The following PAK5 variants were observed in gnomAD, a reference collection of about 807,000 sequenced individuals.
PAK5 encodes p21 (RAC1) activated kinase 5, also known as serine/threonine-protein kinase PAK 5.
Under a neutral mutation model 65.9 loss-of-function variants are expected in PAK5, and 16 were observed. That is an observed-to-expected ratio of 0.24 (90% CI 0.16 to 0.37). The LOEUF (loss-of-function observed/expected upper bound fraction) is 0.37, where lower values mean the gene tolerates loss of function less well. Ranked by LOEUF, PAK5 falls within the 10% of genes least tolerant of loss-of-function variation. The pLI is 1.00. For missense variants in PAK5, 785 were observed against 903.9 expected, an observed-to-expected ratio of 0.87 and a Z score of 1.69; for synonymous variants, 371 against 354.9, an observed-to-expected ratio of 1.05 and a Z score of -0.51.
At chr20:9,814,652 A>G (rs111578955) in intron 1 of PAK5, among the ~76,000 whole-genome samples, 186 of 152,312 alleles carry the variant, frequency 1.2e-3, no homozygotes, top group Admixed American at 3.6e-3. Context: ...CATAAAAAAT[A>G]AATATATAAG....
In PAK5 at chr20:9,631,569, C is replaced by T. The variant is rs147163621; in HGVS notation, c.204+12556G>A. On this transcript the variant is annotated intron_variant, in intron 3 of 9. Coordinates refer to ENST00000353224, the MANE Select transcript of PAK5 (RefSeq NM_177990.4). ...TGAGCCTCCAGATGGGAATGAAGCC[C>T]AGCTGGCCCCCTAATTGCAGCCTTG... is the stretch of plus-strand genomic sequence containing the variant. Among the ~76,000 whole-genome samples, 571 of 152,248 alleles carry T rather than the reference C, an allele frequency of 3.8e-3. 6 individuals carry two copies. Among genetic ancestry groups the T allele is most frequent in the African/African-American group, 0.013 (544 of 41,538 alleles).
chr20:9,554,976 C>T (rs1568959773), intron 7 of PAK5, among the ~76,000 whole-genome samples: 1 of 152,342 alleles, frequency 6.6e-6, no homozygotes, highest in South Asian at 2.1e-4. Flanking sequence ...GTACCCATCA[C>T]TTCCATCACT....
At position 9,557,595 on chromosome 20, in the gene PAK5, A is replaced by G. The variant is rs2045527440; in HGVS notation, c.1743+13T>C. ...AAGAAAAACTACGAACGGGCCAAACATGAACATCTTACCCGGCCATCGCTT... is the reference window on the plus strand; with the variant it reads ...AAGAAAAACTACGAACGGGCCAAACGTGAACATCTTACCCGGCCATCGCTT... On this transcript the variant is annotated intron_variant, in intron 7 of 9. Coordinates refer to ENST00000353224, the MANE Select transcript of PAK5 (RefSeq NM_177990.4). The G allele has an allele frequency of 6.2e-7, 1 of 1,604,648 alleles. No homozygotes were observed. The highest frequency in any genetic ancestry group is 8.5e-7 in the Non-Finnish European group (1 of 1,175,784).
intron 1 of PAK5, among the ~76,000 whole-genome samples, chr20:9,759,358 T>C (rs565411549): frequency 2.0e-5 from 3 of 152,164 alleles, no homozygotes; most frequent in Non-Finnish European, 4.4e-5. Context: ...CTGTTTGCAT[T>C]ATGGGAAACT....
chr20:9,626,878 T>C (rs2046852026), intron 3 of PAK5, among the ~76,000 whole-genome samples: 3 of 152,164 alleles, frequency 2.0e-5, no homozygotes, highest in Admixed American at 2.0e-4. Context: ...CAAAACTGTG[T>C]AAATACAGTC....
chr20:9,580,169 G>C lies in PAK5; in HGVS notation c.966C>G (p.Ser322=), dbSNP rs56239039. 18 of 1,612,846 alleles carry C rather than the reference G, an allele frequency of 1.1e-5. No homozygotes were observed. Among genetic ancestry groups the C allele is most frequent in the East Asian group, 2.2e-5 (1 of 44,874 alleles). The change falls in exon 4 of 10, where the codon TCC becomes TCG. Residue 322 remains serine (S), a synonymous_variant. Coordinates refer to ENST00000353224, the MANE Select transcript of PAK5 (RefSeq NM_177990.4). The stretch of plus-strand genomic sequence containing the variant: ...CCTTTGGAATGCACATTGTGGGCTC[G>C]GACAAGCGAGGGTAGGTGTAGGAGT... ...SYNSYTYPRL[S]EPTMCIPKVD... is the part of the protein sequence containing the mutation.
At position 9,749,864 on chromosome 20, in the gene PAK5, T is replaced by C. The variant is rs1435048615; in HGVS notation, c.-161-38429A>G. On this transcript the variant is annotated intron_variant, in intron 1 of 9. Coordinates refer to ENST00000353224, the MANE Select transcript of PAK5 (RefSeq NM_177990.4). ...GAATGATTTACATGGTAGCCCAAGT[T>C]CCATATCTCCTTGCTGACCAGTAAC... Among the ~76,000 whole-genome samples, 3 of 152,234 alleles carry C rather than the reference T, an allele frequency of 2.0e-5. No individual in the cohort carries two copies. The East Asian group carries it at 5.8e-4, about 29-fold the overall frequency.
chr20:9,692,554 A>C lies in PAK5; in HGVS notation c.-12+18732T>G, dbSNP rs76648696. The stretch of plus-strand genomic sequence containing the variant: ...CAACACTAAAGGAATTCTAACTCTC[A>C]GTGATTTTTTTAAAACAGATGATTC... On this transcript the variant is annotated intron_variant, in intron 2 of 9. Coordinates refer to ENST00000353224, the MANE Select transcript of PAK5 (RefSeq NM_177990.4). 2.7e-3 allele frequency among the ~76,000 whole-genome samples: 413 copies of C among 152,342 alleles called. 5 individuals carry two copies. Among genetic ancestry groups the C allele is most frequent in the African/African-American group, 9.5e-3 (396 of 41,580 alleles).
Position 9,539,485 on chromosome 20 carries a change from T to C in PAK5, c.2137A>G (p.Met713Val), listed in dbSNP as rs985653551. The C allele has an allele frequency of 2.5e-6, 4 of 1,614,072 alleles. No homozygotes were observed. Among genetic ancestry groups the C allele is most frequent in the African/African-American group, 1.3e-5 (1 of 75,034 alleles). Residue 713 changes from methionine to valine, a missense_variant, in exon 10 of 10, where the codon ATG (methionine) becomes GTG (valine). Physicochemically the swap from Met to Val is conservative, Grantham distance 21 (BLOSUM62 1). Coordinates refer to ENST00000353224, the MANE Select transcript of PAK5 (RefSeq NM_177990.4). ...GCTCAGTGATGCCTGTATTGTCTCATGAGGGGGACGATGCAAGACGGTGGA... is the reference window on the plus strand; with the variant it reads ...GCTCAGTGATGCCTGTATTGTCTCACGAGGGGGACGATGCAAGACGGTGGA... ...AGPPSCIVPL[M>V]RQYRHH is the part of the protein sequence containing the mutation.
intron 1 of PAK5, among the ~76,000 whole-genome samples, chr20:9,712,817 A>G (rs1268319390): frequency 1.3e-5 from 2 of 152,110 alleles, no homozygotes; most frequent in South Asian, 4.1e-4. Context: ...ATATACATAT[A>G]CAGAAGAATG....
At chr20:9,798,418 G>A (rs1421460240) in intron 1 of PAK5, among the ~76,000 whole-genome samples, 1 of 152,096 alleles carries the variant, frequency 6.6e-6, no homozygotes, top group Non-Finnish European at 1.5e-5. Context: ...TACAGGGTTG[G>A]CCTTTGACTT....
At chr20:9,558,688 A>G (rs963430551) in intron 6 of PAK5, among the ~76,000 whole-genome samples, 19 of 152,092 alleles carry the variant, frequency 1.2e-4, no homozygotes, top group African/African-American at 4.1e-4. Flanking sequence ...TCTTCCTCCA[A>G]GGAGCTAGAG....
At chr20:9,745,275 T>C (rs2123598531) in intron 1 of PAK5, among the ~76,000 whole-genome samples, 1 of 152,064 alleles carries the variant, frequency 6.6e-6, no homozygotes, top group Non-Finnish European at 1.5e-5. Context: ...TATCTTTTTT[T>C]AATGTCATTT....
intron 1 of PAK5, among the ~76,000 whole-genome samples, chr20:9,836,391 A>G (rs1205964378): frequency 6.6e-6 from 1 of 152,216 alleles, no homozygotes; most frequent in Admixed American, 6.5e-5. Context: ...TGATGTCCGT[A>G]TAAGAAAAGG....
intron 1 of PAK5, among the ~76,000 whole-genome samples, chr20:9,728,223 G>A (rs1183124912): frequency 6.6e-6 from 1 of 152,040 alleles, no homozygotes; most frequent in African/African-American, 2.4e-5. Flanking sequence ...CCATCGATGA[G>A]GAAGGATCCT....
intron 1 of PAK5, among the ~76,000 whole-genome samples, chr20:9,712,558 T>C (rs1390324915): frequency 6.6e-6 from 1 of 152,012 alleles, no homozygotes; most frequent in Non-Finnish European, 1.5e-5. Context: ...TCCGAATAAC[T>C]AAAGCAATGC....
rs1015418122 is a variant in PAK5, at chr20:9,565,826, T to C, written c.1482+67A>G. The C allele has an allele frequency of 2.0e-5, 29 of 1,465,338 alleles. No homozygotes were observed. In the East Asian group the frequency reaches 5.7e-4, roughly 29 times the overall value. 90.8% of individuals were successfully genotyped at this position (1,465,338 alleles called of 1,614,324 possible). On this transcript the variant is annotated intron_variant, in intron 5 of 9. Transcript: ENST00000353224. The stretch of plus-strand genomic sequence containing the variant: ...TCTAATGTCCTAAAATGTACATGTG[T>C]ATAACTTTTGAAATGGGAAATAAAT...
chr20:9,706,471 C>CTTTTT (rs34420250), intron 2 of PAK5, among the ~76,000 whole-genome samples: 4 of 125,412 alleles, frequency 3.2e-5, no homozygotes, highest in African/African-American at 5.9e-5. Context: ...TCTACAAACT[C>CTTTTT]TTTTTTTTTT....
chr20:9,704,740 G>T (rs1021720706), intron 2 of PAK5, among the ~76,000 whole-genome samples: 4 of 152,118 alleles, frequency 2.6e-5, no homozygotes, highest in African/African-American at 9.7e-5. Flanking sequence ...AGCAGGGAAG[G>T]GTGAGCAGCA....
Sources: gnomAD v4.1 joint callset for allele counts (sites outside exome capture counted in the v4.1 genomes callset) on GRCh38, gnomAD v4.1.1 for gene constraint, MANE v1.5 for transcripts, NCBI Gene and HGNC (gene_info 2026-07-23, HGNC 2026-07-21) for gene names.